The following ANTXR1 variants were observed in gnomAD, a reference collection of about 807,000 sequenced individuals.
ANTXR1 encodes the protein anthrax toxin receptor 1.
ANTXR1 carries 19 observed loss-of-function variants against 78.1 expected under a neutral mutation model. The ratio of observed to expected loss-of-function variants is 0.24; its 90% CI spans 0.17 to 0.36. ANTXR1 has a LOEUF of 0.36. Among genes scored for constraint, ANTXR1 ranks in the 10% least tolerant of loss-of-function variants. The pLI is 1.00. For synonymous variants in ANTXR1, 273 were observed against 260.5 expected, an observed-to-expected ratio of 1.05 and a Z score of -0.46; for missense variants, 518 against 718.6, an observed-to-expected ratio of 0.72 and a Z score of 3.19.
intron 12 of ANTXR1, among the ~76,000 whole-genome samples, chr2:69,148,832 G>A (rs1395994632): frequency 6.6e-6 from 1 of 152,202 alleles, no homozygotes; most frequent in Non-Finnish European, 1.5e-5. Flanking sequence ...ACTGCATGTG[G>A]TTAATTGTTT....
intron 17 of ANTXR1, among the ~76,000 whole-genome samples, chr2:69,204,753 T>TC (rs891745761): frequency 6.6e-6 from 1 of 152,098 alleles, no homozygotes; most frequent in African/African-American, 2.4e-5. Flanking sequence ...CCCAATCCCT[T>TC]CCCTTCCTGT....
At chr2:69,208,028 GAAAGGGTAGGTATATGTAAAATAGAT>G (rs1674950311) in intron 17 of ANTXR1, among the ~76,000 whole-genome samples, 1 of 152,204 alleles carries the variant, frequency 6.6e-6, no homozygotes, top group African/African-American at 2.4e-5. Context: ...AACCAATTAG[GAAAGGGTAGGTATATGTAAAATAGAT>G]AAAGGGTGGG....
intron 5 of ANTXR1, 56 bp downstream of exon 5, chr2:69,071,843 T>C: frequency 6.5e-7 from 1 of 1,539,452 alleles, no homozygotes; most frequent in Non-Finnish European, 9.0e-7. Context: ...CCGTGTTTGT[T>C]GCTGAAAAAG....
chr2:69,063,571 C>CA (rs148825103), intron 3 of ANTXR1, among the ~76,000 whole-genome samples: 5,495 of 150,852 alleles, frequency 0.036, 302 homozygotes, highest in East Asian at 0.22. Context: ...ACTAGATCCA[C>CA]AAAAAACAAA....
chr2:69,231,925 G>A (rs1372310162), intron 17 of ANTXR1, among the ~76,000 whole-genome samples: 1 of 151,740 alleles, frequency 6.6e-6, no homozygotes, highest in Admixed American at 6.6e-5. Context: ...ACCCCTCCTC[G>A]CCACAGCACA....
Position 69,245,711 on chromosome 2 carries a change from G to T in ANTXR1, c.*226G>T. ...GCAACTACAGTCAGATTTATAGCCA[G>T]CCATCTATCACCTCTAGAAGGTTCC... On this transcript the variant is annotated 3_prime_UTR_variant, in exon 18 of 18. Transcript: ENST00000303714. 1 of 575,430 alleles carries T rather than the reference G, an allele frequency of 1.7e-6. No homozygotes were observed. The highest frequency in any genetic ancestry group is 3.2e-5 in the East Asian group (1 of 31,454). 35.6% of individuals were successfully genotyped at this position (575,430 alleles called of 1,614,324 possible).
At chr2:69,106,962 T>C (rs1009935149) in intron 10 of ANTXR1, among the ~76,000 whole-genome samples, 3 of 152,166 alleles carry the variant, frequency 2.0e-5, no homozygotes, top group African/African-American at 7.2e-5. Flanking sequence ...AGAATACTCA[T>C]CAAAAGCAGA....
At chr2:69,188,857 A>G (rs112806095) in intron 16 of ANTXR1, among the ~76,000 whole-genome samples, 5 of 152,236 alleles carry the variant, frequency 3.3e-5, no homozygotes, top group Non-Finnish European at 7.3e-5. Context: ...AGACTCTTCT[A>G]TGGCACATCT....
At chr2:69,166,329 G>A (rs1315512791) in intron 13 of ANTXR1, among the ~76,000 whole-genome samples, 4 of 152,174 alleles carry the variant, frequency 2.6e-5, no homozygotes, top group African/African-American at 4.8e-5. Flanking sequence ...GAGAGGAGAG[G>A]AGATGCATCT....
intron 13 of ANTXR1, among the ~76,000 whole-genome samples, chr2:69,160,582 A>G (rs1252137342): frequency 6.6e-6 from 1 of 152,138 alleles, no homozygotes; most frequent in Non-Finnish European, 1.5e-5. Flanking sequence ...TTTATATGAT[A>G]CAAGTACTCA....
chr2:69,170,840 A>T (rs769301530), intron 14 of ANTXR1, among the ~76,000 whole-genome samples: 1 of 152,230 alleles, frequency 6.6e-6, no homozygotes, highest in African/African-American at 2.4e-5. Flanking sequence ...AATTCTCGTC[A>T]TCTAAAGAAA....
rs189360128 is a variant in ANTXR1, at chr2:69,106,734, T to C, written c.802+3794T>C. ...TGTGGCCCTACAGAGGCCATGCACC[T>C]TCACCCTGTGGGAGTCTTCCACATA... On this transcript the variant is annotated intron_variant, in intron 10 of 17. Coordinates refer to ENST00000303714, the MANE Select transcript of ANTXR1 (RefSeq NM_032208.3). Among the ~76,000 whole-genome samples the C allele has an allele frequency of 2.0e-3, 309 of 152,280 alleles. 1 individual carries two copies. Among genetic ancestry groups the C allele is most frequent in the African/African-American group, 6.6e-3 (276 of 41,548 alleles).
At chr2:69,113,976 G>C (rs1254424141) in intron 10 of ANTXR1, among the ~76,000 whole-genome samples, 1 of 152,142 alleles carries the variant, frequency 6.6e-6, no homozygotes, top group Non-Finnish European at 1.5e-5. Flanking sequence ...TTTTGGGTGT[G>C]GATTTATTGA....
At chr2:69,120,179 A>G (rs1672294346) in intron 10 of ANTXR1, among the ~76,000 whole-genome samples, 2 of 152,256 alleles carry the variant, frequency 1.3e-5, no homozygotes, top group South Asian at 4.1e-4. Context: ...ATTTTATAAT[A>G]AAATGTCGAA....
intron 17 of ANTXR1, among the ~76,000 whole-genome samples, chr2:69,210,455 C>T (rs1440743608): frequency 6.6e-6 from 1 of 152,218 alleles, no homozygotes; most frequent in African/African-American, 2.4e-5. Context: ...TATTCTTTCA[C>T]TCTCCTTTTG....
chr2:69,143,672 C>T (rs188156826), intron 12 of ANTXR1, among the ~76,000 whole-genome samples: 1 of 152,074 alleles, frequency 6.6e-6, no homozygotes, highest in African/African-American at 2.4e-5. Flanking sequence ...ATCAGTCGCA[C>T]AATATCATAA....
At chr2:69,051,358 CTGATATGGT>C (rs1225127821) in intron 3 of ANTXR1, among the ~76,000 whole-genome samples, 1 of 151,526 alleles carries the variant, frequency 6.6e-6, no homozygotes, top group African/African-American at 2.4e-5. Flanking sequence ...TACTTTAAAT[CTGATATGGT>C]TGTTGAATTT....
intron 9 of ANTXR1, among the ~76,000 whole-genome samples, chr2:69,101,959 G>T (rs988793930): frequency 3.9e-5 from 6 of 152,342 alleles, no homozygotes; most frequent in African/African-American, 1.4e-4. Flanking sequence ...GTAAAGGAGA[G>T]TTGTTTTTAC....
At chr2:69,151,687 C>T (rs532958924) in intron 12 of ANTXR1, among the ~76,000 whole-genome samples, 28 of 152,320 alleles carry the variant, frequency 1.8e-4, no homozygotes, top group African/African-American at 6.3e-4. Context: ...CATCAGCAGG[C>T]TCTAGACTTT....
Sources: allele counts gnomAD v4.1 joint callset (sites outside exome capture counted in the v4.1 genomes callset), GRCh38; gene constraint gnomAD v4.1.1; transcripts MANE v1.5; gene names NCBI Gene and HGNC (gene_info 2026-07-23, HGNC 2026-07-21).